Variants in ANXA10 observed in about 807,000 individuals in gnomAD.
The protein encoded by ANXA10 is annexin 14.
ANXA10 carries 49 observed loss-of-function variants against 53.5 expected under a neutral mutation model. The observed-to-expected ratio is 0.92, with a 90% confidence interval of 0.73 to 1.16. ANXA10 has a LOEUF of 1.16. Ranked by LOEUF, ANXA10 falls within the 50% of genes most tolerant of loss-of-function variation. The pLI is 0.00. For missense variants in ANXA10, 393 were observed against 394.4 expected (o/e 1.00, Z 0.03); for synonymous variants, 131 against 128.9 (o/e 1.02, Z -0.11).
At chr4:168,124,040 A>G (rs1342294098) in intron 1 of ANXA10, among the ~76,000 whole-genome samples, 2 of 152,192 alleles carry the variant, frequency 1.3e-5, no homozygotes, top group African/African-American at 4.8e-5. Context: ...AAACCCTGTT[A>G]ATAGGACCCA....
intron 6 of ANXA10, among the ~76,000 whole-genome samples, chr4:168,177,146 C>T (rs1344439957): frequency 6.6e-6 from 1 of 152,144 alleles, no homozygotes; most frequent in Non-Finnish European, 1.5e-5. Flanking sequence ...ACCTCCTTCT[C>T]CCCACTGGCC....
rs1731807126 is a variant in ANXA10 at position 168,162,656 on chromosome 4, C to T, written c.309+15C>T. 3.1e-6 allele frequency: 5 copies of T among 1,602,664 alleles called. No individual in the cohort carries two copies. The highest frequency in any genetic ancestry group is 4.3e-6 in the Non-Finnish European group (5 of 1,169,968). ...ATGCCATGAAGGTAGTGATCTGATC[C>T]AAAAATATGCCTGTAACAAGTACAG... On this transcript the variant is annotated intron_variant, in intron 4 of 11. Coordinates refer to ENST00000359299, the MANE Select transcript of ANXA10 (RefSeq NM_007193.5).
Position 168,170,319 on chromosome 4 carries a change from CTAT to C in ANXA10, c.480+4994_480+4996del, listed in dbSNP as rs368815155. On this transcript the variant is annotated intron_variant, in intron 6 of 11. Coordinates refer to ENST00000359299, the MANE Select transcript of ANXA10 (RefSeq NM_007193.5). ...TTAAAATTTTCAAAAAATGTAGCAC[CTAT>C]AAATTTCTAGAATTACATGTAGGAA... Among the ~76,000 whole-genome samples the C allele has an allele frequency of 2.2e-4, 34 of 152,094 alleles. No individual in the cohort carries two copies. The East Asian group carries it at 5.8e-3, about 26-fold the overall frequency.
chr4:168,125,025 C>T (rs764534415), intron 1 of ANXA10, among the ~76,000 whole-genome samples: 14 of 152,212 alleles, frequency 9.2e-5, no homozygotes, highest in African/African-American at 2.4e-4. Context: ...TCGTTAACTG[C>T]GGAAGGGTAA....
intron 1 of ANXA10, among the ~76,000 whole-genome samples, chr4:168,127,345 C>T (rs527542566): frequency 4.6e-5 from 7 of 152,130 alleles, no homozygotes; most frequent in African/African-American, 1.7e-4. Flanking sequence ...ATAATCTCTG[C>T]GTTATCTATA....
At chr4:168,178,956 G>T (rs575717988) in intron 8 of ANXA10, among the ~76,000 whole-genome samples, 29 of 152,268 alleles carry the variant, frequency 1.9e-4, no homozygotes, top group Admixed American at 3.9e-4. Context: ...TAAATCAGCA[G>T]TGAGTTAGTG....
At chr4:168,172,570 T>C (rs1316327820) in intron 6 of ANXA10, among the ~76,000 whole-genome samples, 4 of 152,192 alleles carry the variant, frequency 2.6e-5, no homozygotes, top group Non-Finnish European at 5.9e-5. Flanking sequence ...GTGCCAAGCA[T>C]GATTTTAGAT....
At chr4:168,165,139 A>G (rs891211087) in intron 5 of ANXA10, 108 bp from the exon 6 acceptor site, 8 of 566,044 alleles carry the variant, frequency 1.4e-5, no homozygotes, top group Non-Finnish European at 2.3e-5. Flanking sequence ...GGTGGACTAC[A>G]TTTCCTGGAC....
chr4:168,121,308 G>T (rs61267353), intron 1 of ANXA10, among the ~76,000 whole-genome samples: 3,565 of 152,072 alleles, frequency 0.023, 132 homozygotes, highest in African/African-American at 0.077. Flanking sequence ...ATGGAATTTT[G>T]TTAGACTTTT....
At chr4:168,158,511 G>T (rs1364039250) in intron 3 of ANXA10, among the ~76,000 whole-genome samples, 5 of 152,112 alleles carry the variant, frequency 3.3e-5, no homozygotes, top group Admixed American at 3.3e-4. Flanking sequence ...AAGTGGCAAA[G>T]ATTTGTTCTG....
intron 6 of ANXA10, among the ~76,000 whole-genome samples, chr4:168,171,773 T>C (rs1454425301): frequency 9.2e-5 from 14 of 152,234 alleles, no homozygotes. Flanking sequence ...CACAGATTTA[T>C]GAAAGATCTA....
chr4:168,105,751 C>G (rs1324552038), intron 1 of ANXA10, among the ~76,000 whole-genome samples: 1 of 152,072 alleles, frequency 6.6e-6, no homozygotes. Context: ...ATAAGCATTC[C>G]TTTTTCTCTA....
At position 168,096,926 on chromosome 4, in the gene ANXA10, A is replaced by ATATATATATATATGTATG. The variant is rs371811709; in HGVS notation, c.18+4211_18+4212insATATATATATGTATGTAT. 6.8e-3 allele frequency among the ~76,000 whole-genome samples: 887 copies of ATATATATATATATGTATG among 129,888 alleles called. 14 individuals are homozygous for ATATATATATATATGTATG. The highest frequency in any genetic ancestry group is 0.011 in the Non-Finnish European group (706 of 62,138). The allele number at this position is 129,888 out of a possible 152,430, so 85.2% of individuals were successfully genotyped here. A position where few individuals can be genotyped will look rare whatever the true frequency, so the allele number is the denominator to read the frequency against. On this transcript the variant is annotated intron_variant, in intron 1 of 11. Coordinates refer to ENST00000359299, the MANE Select transcript of ANXA10 (RefSeq NM_007193.5). ...AATACAAATGCATATATATATATAT[A>ATATATATATATATGTATG]TATGTATGTATATGTATATACAATA...
chr4:168,170,863 A>G lies in ANXA10; in HGVS notation c.480+5537A>G, dbSNP rs1032465544. Among the ~76,000 whole-genome samples the G allele has an allele frequency of 5.3e-5, 8 of 152,202 alleles. No individual in the cohort carries two copies. In the East Asian group the frequency reaches 1.2e-3, roughly 22 times the overall value. ...TTAACTCATAATAGAAAATGGAGGT[A>G]CCAAACTATTAAAAACTTAATATAA... On this transcript the variant is annotated intron_variant, in intron 6 of 11. Transcript: ENST00000359299.
chr4:168,185,162 A>G (rs1199332557), intron 11 of ANXA10, among the ~76,000 whole-genome samples: 1 of 152,074 alleles, frequency 6.6e-6, no homozygotes, highest in Non-Finnish European at 1.5e-5. Context: ...TCAAAAAAAG[A>G]AAAAGAAAAA....
intron 1 of ANXA10, among the ~76,000 whole-genome samples, chr4:168,107,830 C>G (rs1004662316): frequency 6.6e-6 from 1 of 152,106 alleles, no homozygotes; most frequent in African/African-American, 2.4e-5. Flanking sequence ...TTTAATTTCC[C>G]AAAGGCCTCA....
chr4:168,133,034 G>A (rs1307806056), intron 2 of ANXA10, among the ~76,000 whole-genome samples: 1 of 151,988 alleles, frequency 6.6e-6, no homozygotes, highest in Non-Finnish European at 1.5e-5. Context: ...AATCAAACAA[G>A]GTGACCTCTG....
intron 2 of ANXA10, among the ~76,000 whole-genome samples, chr4:168,134,000 T>C (rs1731195660): frequency 2.0e-5 from 3 of 152,040 alleles, no homozygotes; most frequent in Non-Finnish European, 4.4e-5. Flanking sequence ...GAAGAGGTTA[T>C]ATATCTAGAA....
At chr4:168,168,834 GA>G (rs1263124254) in intron 6 of ANXA10, among the ~76,000 whole-genome samples, 2 of 152,304 alleles carry the variant, frequency 1.3e-5, no homozygotes, top group East Asian at 3.9e-4. Context: ...TTATGATGAT[GA>G]CTATATTAGG....
Sources: allele counts gnomAD v4.1 joint callset (sites outside exome capture counted in the v4.1 genomes callset), GRCh38; gene constraint gnomAD v4.1.1; transcripts MANE v1.5; gene names NCBI Gene and HGNC (gene_info 2026-07-23, HGNC 2026-07-21).